ADAM20: variants seen among roughly 807,000 people sequenced by gnomAD.
ADAM20 encodes disintegrin and metalloproteinase domain-containing protein 20.
For missense variants in ADAM20, 871 were observed against 883.2 expected (o/e 0.99, Z 0.18); for synonymous variants, 305 against 310.2 (o/e 0.98, Z 0.18).
upstream of ADAM20, among the ~76,000 whole-genome samples, chr14:70,535,926 G>C (rs1031050176): frequency 1.3e-5 from 2 of 152,052 alleles, no homozygotes; most frequent in Non-Finnish European, 2.9e-5. Flanking sequence ...GATATAAAAG[G>C]ATAAATAGAA....
chr14:70,545,304 C>T, the ADAM20 span, among the ~76,000 whole-genome samples: 10 of 152,180 alleles, frequency 6.6e-5, no homozygotes, highest in African/African-American at 2.4e-4. Context: ...ACCCTTCCCC[C>T]ATCCCACCTG....
rs376577554 is a variant in ADAM20, at chr14:70,524,506, A to G, written c.252T>C (p.Ala84=). The G allele has an allele frequency of 4.7e-5, 76 of 1,613,906 alleles. No individual in the cohort carries two copies. Among genetic ancestry groups the G allele is most frequent in the Non-Finnish European group, 5.9e-5 (70 of 1,179,938 alleles). The change falls in exon 2 of 2, where the codon GCT becomes GCC. Residue 84 remains alanine (A), a synonymous_variant. Transcript: ENST00000256389. ...TGTAGGTGAACACAGGAAGGTGTGC[A>G]GCAAACAACAGCTTATTTACCCTCA... ...VHMRVNKLLF[A]AHLPVFTYTE...
chr14:70,542,927 A>C, the ADAM20 span, among the ~76,000 whole-genome samples: 1 of 151,850 alleles, frequency 6.6e-6, no homozygotes, highest in African/African-American at 2.4e-5. Context: ...GGACAGAGCA[A>C]GACTCCATCT....
chr14:70,525,388 AT>A (rs1281239044), intron 1 of ADAM20, among the ~76,000 whole-genome samples: 1 of 151,576 alleles, frequency 6.6e-6, no homozygotes, highest in Non-Finnish European at 1.5e-5. Context: ...TTTCTTTTTG[AT>A]TTTTTTTGGG....
chr14:70,524,623 A>G lies in ADAM20; in HGVS notation c.135T>C (p.Pro45=). 1 of 1,614,004 alleles carries G rather than the reference A, an allele frequency of 6.2e-7. No individual in the cohort carries two copies. Among genetic ancestry groups the G allele is most frequent in the Non-Finnish European group, 8.5e-7 (1 of 1,179,946 alleles). The change falls in exon 2 of 2, where the codon CCT becomes CCC. Residue 45 remains proline (P), a synonymous_variant. Coordinates refer to ENST00000256389, the MANE Select transcript of ADAM20 (RefSeq NM_003814.5). The part of the protein sequence containing the change: ...QYFTSPEVVI[P]LKVISRGRGA... ...CTCTGCCCCTGCTGATCACCTTCAA[A>G]GGGATCACCACTTCTGGAGAAGTGA...
the ADAM20 span, among the ~76,000 whole-genome samples, chr14:70,566,103 T>C: frequency 3.9e-5 from 6 of 152,044 alleles, no homozygotes; most frequent in Non-Finnish European, 7.4e-5. Flanking sequence ...AGACACTAAA[T>C]AGCAACATGA....
chr14:70,530,814 A>G (rs1318019942), intron 1 of ADAM20, among the ~76,000 whole-genome samples: 1 of 152,154 alleles, frequency 6.6e-6, no homozygotes, highest in Non-Finnish European at 1.5e-5. Flanking sequence ...AGCATACCAA[A>G]ACTTATAGGA....
the ADAM20 span, among the ~76,000 whole-genome samples, chr14:70,566,343 T>G: frequency 6.6e-6 from 1 of 152,094 alleles, no homozygotes; most frequent in Non-Finnish European, 1.5e-5. Context: ...GTGAGCATAG[T>G]TAAGCTGTTA....
chr14:70,575,217 C>CA, the ADAM20 span, among the ~76,000 whole-genome samples: 2 of 151,210 alleles, frequency 1.3e-5, no homozygotes, highest in African/African-American at 4.9e-5. Flanking sequence ...TTTTTTGAGG[C>CA]AGAGTCTTGC....
At chr14:70,559,634 T>A in the ADAM20 span, among the ~76,000 whole-genome samples, 1 of 152,228 alleles carries the variant, frequency 6.6e-6, no homozygotes. Context: ...GTACCCAATA[T>A]ACCTCCTGCC....
chr14:70,530,681 T>G (rs1304444653), intron 1 of ADAM20, among the ~76,000 whole-genome samples: 5 of 152,136 alleles, frequency 3.3e-5, no homozygotes, highest in African/African-American at 1.2e-4. Context: ...ATGCGATCCA[T>G]CATTGCCCAA....
At position 70,524,722 on chromosome 14, in the gene ADAM20, G is replaced by A. The variant is rs1427906936; in HGVS notation, c.36C>T (p.Val12=). The A allele has an allele frequency of 1.2e-6, 2 of 1,613,992 alleles. No individual in the cohort carries two copies. Among genetic ancestry groups the A allele is most frequent in the Admixed American group, 1.7e-5 (1 of 59,978 alleles). The change falls in exon 2 of 2, where the codon GTC becomes GTT. Residue 12 remains valine (V), a synonymous_variant. Transcript: ENST00000256389. ...AVGEPLVHIR[V]TLLLLWFGMF... is the part of the protein sequence containing the mutation. ...TCCCAAACCAGAGCAGCAGAAGAGT[G>A]ACCCTGATGTGCACCAGGGGCTCAC... is the stretch of plus-strand genomic sequence containing the variant.
chr14:70,523,895 T>C lies in ADAM20; in HGVS notation c.863A>G (p.Asn288Ser). Residue 288 changes from asparagine to serine, a missense_variant, in exon 2 of 2, where the codon AAT becomes AGT. By Grantham distance (46) the Asn-to-Ser change is conservative. Coordinates refer to ENST00000256389, the MANE Select transcript of ADAM20 (RefSeq NM_003814.5). ...TGCAACATCATGTTGTAGTCGATTA[T>C]TAAGGTTATAATTCTTCCAAATAGA... Reference protein sequence around the residue: ...DFSIWKNYNLNNRLQHDVAHL... With the variant: ...DFSIWKNYNLSNRLQHDVAHL... The C allele has an allele frequency of 6.2e-7, 1 of 1,613,954 alleles. No homozygotes were observed. Among genetic ancestry groups the C allele is most frequent in the Non-Finnish European group, 8.5e-7 (1 of 1,179,942 alleles).
chr14:70,530,958 C>G (rs993918461), intron 1 of ADAM20, among the ~76,000 whole-genome samples: 1 of 149,276 alleles, frequency 6.7e-6, no homozygotes, highest in Admixed American at 6.6e-5. Flanking sequence ...GAAGAAAAAA[C>G]TACGCTGAAA....
intron 1 of ADAM20, among the ~76,000 whole-genome samples, chr14:70,534,479 G>T (rs549429244): frequency 3.9e-5 from 6 of 151,952 alleles, no homozygotes; most frequent in African/African-American, 1.5e-4. Context: ...CCCAACAGAC[G>T]CATGGCCCAA....
chr14:70,531,861 T>C (rs73282142), intron 1 of ADAM20, among the ~76,000 whole-genome samples: 5,217 of 152,038 alleles, frequency 0.034, 297 homozygotes, highest in African/African-American at 0.12. Flanking sequence ...AAGACATAAA[T>C]AAATGGAAAG....
At chr14:70,537,094 T>C (rs1169958414), upstream of ADAM20, among the ~76,000 whole-genome samples, 1 of 152,178 alleles carries the variant, frequency 6.6e-6, no homozygotes, top group East Asian at 1.9e-4. Flanking sequence ...GTGTTGGGGA[T>C]ACAGGCTGTC....
the ADAM20 span, among the ~76,000 whole-genome samples, chr14:70,553,306 TAATAAAAA>T: frequency 9.8e-5 from 1 of 10,186 alleles, no homozygotes; most frequent in African/African-American, 5.5e-4. Flanking sequence ...ACTTAGAGTA[TAATAAAAA>T]AAAAAAAAAA....
chr14:70,576,256 A>G, the ADAM20 span, among the ~76,000 whole-genome samples: 18 of 152,308 alleles, frequency 1.2e-4, no homozygotes, highest in African/African-American at 4.1e-4. Flanking sequence ...GACAACTATC[A>G]ATGCAACTGT....
Sources: allele counts gnomAD v4.1 joint callset (sites outside exome capture counted in the v4.1 genomes callset), GRCh38; gene constraint gnomAD v4.1.1; transcripts MANE v1.5; gene names NCBI Gene and HGNC (gene_info 2026-07-23, HGNC 2026-07-21).